The following TECTA variants were observed in gnomAD, a reference collection of about 807,000 sequenced individuals.
The protein encoded by TECTA is alpha-tectorin.
A neutral mutation model predicts 216.8 loss-of-function variants in TECTA; 128 were observed. The ratio of observed to expected loss-of-function variants is 0.59; its 90% CI spans 0.51 to 0.68. The LOEUF is 0.68. TECTA is among the 30% of genes least tolerant of loss of function. The probability of loss-of-function intolerance (pLI) is 0.00; values close to 1 mark genes in which losing one functional copy is unlikely to be tolerated. For missense variants in TECTA, 2,551 were observed against 2,786.2 expected (o/e 0.92, Z 1.90); for synonymous variants, 1,089 against 1,117.1 (o/e 0.97, Z 0.50).
At chr11:121,122,671 C>A (rs1946569166) in intron 7 of TECTA, among the ~76,000 whole-genome samples, 1 of 50,656 alleles carries the variant, frequency 2.0e-5, no homozygotes, top group Non-Finnish European at 3.9e-5. Flanking sequence ...GCCTGTCTCT[C>A]CAAAAAAAAA....
chr11:121,167,294 G>C (rs989245476), intron 18 of TECTA, among the ~76,000 whole-genome samples: 2 of 152,180 alleles, frequency 1.3e-5, no homozygotes, highest in Non-Finnish European at 2.9e-5. Flanking sequence ...AATTAGCTGG[G>C]TGTGGTGACA....
chr11:121,127,948 C>T lies in TECTA; in HGVS notation c.1971C>T (p.His657=). The change falls in exon 9 of 24, where the codon CAC becomes CAT. Residue 657 remains histidine (H), a synonymous_variant. Coordinates refer to ENST00000392793, the MANE Select transcript of TECTA (RefSeq NM_005422.4). This position sits in a 1 kb window ranked among gnomAD's most constrained non-coding sequence, Gnocchi z 5.0. ...AGTGCGGCTGCGACTTCGACGGCCA[C>T]TACTACACCATGGGGGAGTTCTTCT... ...LHKCGCDFDG[H]YYTMGEFFWA... The T allele has an allele frequency of 6.2e-7, 1 of 1,614,182 alleles. No individual in the cohort carries two copies. The highest frequency in any genetic ancestry group is 8.5e-7 in the Non-Finnish European group (1 of 1,180,034).
chr11:121,114,483 T>C (rs1446697511), intron 6 of TECTA, among the ~76,000 whole-genome samples: 1 of 152,192 alleles, frequency 6.6e-6, no homozygotes, highest in African/African-American at 2.4e-5. Flanking sequence ...GAATTTCTGA[T>C]AATATTTCTA....
rs369190991 is a variant in TECTA, at chr11:121,166,558, C to T, written c.5384-20C>T. On this transcript the variant is annotated intron_variant, in intron 17 of 23. Transcript: ENST00000392793. ...AGACCGACTCCACTGATTTGCCTTT[C>T]GTAATAACTGTTCCCACAGACTCAC... is the stretch of plus-strand genomic sequence containing the variant. The T allele has an allele frequency of 1.3e-4, 212 of 1,613,624 alleles. 1 individual carries two copies. Among genetic ancestry groups the T allele is most frequent in the South Asian group, 3.0e-4 (27 of 91,028 alleles).
intron 12 of TECTA, 130 bp from the exon 13 acceptor site, chr11:121,152,751 G>A: frequency 1.1e-6 from 1 of 908,852 alleles, no homozygotes; most frequent in Non-Finnish European, 1.6e-6. Flanking sequence ...ATGAAGAAAG[G>A]CGGCAGACCT....
intron 4 of TECTA, 69 bp downstream of exon 4, chr11:121,109,567 A>G (rs1171947681): frequency 1.4e-5 from 22 of 1,559,136 alleles, no homozygotes; most frequent in Non-Finnish European, 1.9e-5. Context: ...CTTCGCTACC[A>G]CGAAGGAGTC....
intron 20 of TECTA, among the ~76,000 whole-genome samples, chr11:121,172,586 C>T (rs1396168590): frequency 6.6e-6 from 1 of 152,010 alleles, no homozygotes; most frequent in Non-Finnish European, 1.5e-5. Context: ...TCCAGTCTAT[C>T]ATTGTTGGAC....
At chr11:121,121,738 C>T (rs939782554) in intron 7 of TECTA, among the ~76,000 whole-genome samples, 3 of 152,178 alleles carry the variant, frequency 2.0e-5, no homozygotes, top group Non-Finnish European at 4.4e-5. Flanking sequence ...CCAGCCTACC[C>T]CATGGCTTCT....
rs1403544978 is a variant in TECTA at position 121,105,924 on chromosome 11, TC to T, written c.161del (p.Pro54GlnfsTer25). The T allele has an allele frequency of 6.2e-7, 1 of 1,614,096 alleles. No individual in the cohort carries two copies. The highest frequency in any genetic ancestry group is 8.5e-7 in the Non-Finnish European group (1 of 1,180,028). ...AGCTCATCTGAGATTAAGTTGGCCA[TC>T]CCAGTTTTCTTCTTTGGCGTTCCTT... Reference protein sequence around the residue: ...DGSSSEIKLAIPVFFFGVPYR... With the variant: ...DGSSSEIKLAXPVFFFGVPYR... On this transcript the variant is annotated frameshift_variant, in exon 3 of 24. Transcript: ENST00000392793. LOFTEE classifies it high-confidence loss of function. This position sits in a 1 kb window ranked among gnomAD's most constrained non-coding sequence, Gnocchi z 5.3.
chr11:121,183,727 A>C (rs1947254562), intron 20 of TECTA, among the ~76,000 whole-genome samples: 1 of 152,146 alleles, frequency 6.6e-6, no homozygotes, highest in Admixed American at 6.5e-5. Context: ...CTCCATCTCA[A>C]AAAAAATAAT....
At chr11:121,163,857 A>G (rs1947025796) in intron 16 of TECTA, among the ~76,000 whole-genome samples, 1 of 152,208 alleles carries the variant, frequency 6.6e-6, no homozygotes, top group Non-Finnish European at 1.5e-5. Flanking sequence ...GTGGTGAATC[A>G]TAACTTTCGC....
At position 121,180,838 on chromosome 11, in the gene TECTA, C is replaced by T. The variant is rs536183014; in HGVS notation, c.6000-6994C>T. Among the ~76,000 whole-genome samples the T allele has an allele frequency of 6.1e-5, 7 of 114,726 alleles. No homozygotes were observed. In the South Asian group the frequency reaches 2.2e-3, roughly 35 times the overall value. 75.3% of individuals were successfully genotyped at this position (114,726 alleles called of 152,430 possible). The stretch of plus-strand genomic sequence containing the variant: ...CTTTTTTTTTTTTTTTTTTGCCTGA[C>T]TAGGTTATTTCAAAGACCTGTATTC... On this transcript the variant is annotated intron_variant, in intron 20 of 23. Coordinates refer to ENST00000392793, the MANE Select transcript of TECTA (RefSeq NM_005422.4).
chr11:121,177,561 C>T lies in TECTA; in HGVS notation c.5999+8636C>T, dbSNP rs559616115. 2.2e-4 allele frequency among the ~76,000 whole-genome samples: 33 copies of T among 152,248 alleles called. 1 individual carries two copies. Among genetic ancestry groups the T allele is most frequent in the African/African-American group, 6.5e-4 (27 of 41,550 alleles). Reference sequence around the variant, plus strand: ...GTTTTGTCTCAGAGGAGTACCCGGCCGTGTGAGGTGTCAGTCTGCCCCTAC... The same window carrying T: ...GTTTTGTCTCAGAGGAGTACCCGGCTGTGTGAGGTGTCAGTCTGCCCCTAC... On this transcript the variant is annotated intron_variant, in intron 20 of 23. Coordinates refer to ENST00000392793, the MANE Select transcript of TECTA (RefSeq NM_005422.4).
At position 121,129,844 on chromosome 11, in the gene TECTA, C is replaced by G; in HGVS notation, c.2574C>G (p.Asp858Glu). 4.3e-6 allele frequency: 7 copies of G among 1,614,226 alleles called. No homozygotes were observed. The highest frequency in any genetic ancestry group is 5.9e-6 in the Non-Finnish European group (7 of 1,180,044). Residue 858 changes from aspartate (D) to glutamate (E), a missense_variant, in exon 10 of 24, where the codon GAC becomes GAG. Around this residue, in one of 3 missense-constraint regions of TECTA, gnomAD observed 2,375 missense variants for 2,563.9 expected, o/e 0.93. Coordinates refer to ENST00000392793, the MANE Select transcript of TECTA (RefSeq NM_005422.4). ...GCTTCTACAATGCCAACGCCAGTGA[C>G]GAGTTCTGTCTCCCCAACGGCAAGT... ...LCGFYNANAS[D>E]EFCLPNGKCT...
intron 20 of TECTA, among the ~76,000 whole-genome samples, chr11:121,183,057 C>G (rs762988844): frequency 4.6e-5 from 7 of 152,154 alleles, no homozygotes; most frequent in Non-Finnish European, 1.0e-4. Flanking sequence ...TTCCTGGGGA[C>G]AGCCTCCCTG....
chr11:121,171,321 A>G (rs1947110016), intron 20 of TECTA, among the ~76,000 whole-genome samples: 1 of 152,138 alleles, frequency 6.6e-6, no homozygotes, highest in African/African-American at 2.4e-5. Flanking sequence ...TGTTTTGGCT[A>G]CTATAGCTTC....
At chr11:121,119,314 T>C (rs1230810988) in intron 7 of TECTA, among the ~76,000 whole-genome samples, 1 of 152,084 alleles carries the variant, frequency 6.6e-6, no homozygotes, top group Non-Finnish European at 1.5e-5. Context: ...TAGTGAGGCT[T>C]GGGTGGGAAA....
chr11:121,173,972 C>G (rs1224873965), intron 20 of TECTA, among the ~76,000 whole-genome samples: 1 of 151,766 alleles, frequency 6.6e-6, no homozygotes, highest in Non-Finnish European at 1.5e-5. Flanking sequence ...GGAGTTCACT[C>G]ATGATTTGGC....
rs1947006811 is a variant in TECTA, at chr11:121,162,163, G to A, written c.5065G>A (p.Gly1689Ser). 1 of 1,614,168 alleles carries A rather than the reference G, an allele frequency of 6.2e-7. No homozygotes were observed. The highest frequency in any genetic ancestry group is 8.5e-7 in the Non-Finnish European group (1 of 1,180,040). ...NVHIQKMQGD[G>S]YCLKLTDMKG... ...GCACATCCAGAAGATGCAGGGTGATGGCTACTGCCTGAAGCTCACCGACAT... is the reference window on the plus strand; with the variant it reads ...GCACATCCAGAAGATGCAGGGTGATAGCTACTGCCTGAAGCTCACCGACAT... Residue 1689 changes from glycine (G) to serine (S), a missense_variant, in exon 16 of 24, where the codon GGC becomes AGC. Coordinates refer to ENST00000392793, the MANE Select transcript of TECTA (RefSeq NM_005422.4).
Sources: gnomAD v4.1 joint callset for allele counts (sites outside exome capture counted in the v4.1 genomes callset) on GRCh38, gnomAD v4.1.1 for gene constraint, gnomAD v4.1.1 regional missense constraint, Gnocchi (gnomAD v3.1) non-coding constraint, MANE v1.5 for transcripts, NCBI Gene and HGNC (gene_info 2026-07-23, HGNC 2026-07-21) for gene names.